The following CCDC146 variants were observed in gnomAD, a reference collection of about 807,000 sequenced individuals.
The protein encoded by CCDC146 is coiled-coil domain-containing protein 146.
In CCDC146, 92 loss-of-function variants were observed where a neutral mutation model predicts 119.3. That is an observed-to-expected ratio of 0.77 (90% CI 0.65 to 0.92). The LOEUF (loss-of-function observed/expected upper bound fraction) is 0.92, where lower values mean the gene tolerates loss of function less well. Among genes scored for constraint, CCDC146 ranks in the 40% least tolerant of loss-of-function variants. The pLI is 0.00. For synonymous variants in CCDC146, 372 were observed against 371.8 expected, an observed-to-expected ratio of 1.00 and a Z score of -0.01; for missense variants, 1,000 against 1,103.0, an observed-to-expected ratio of 0.91 and a Z score of 1.32.
At chr7:77,231,898 C>A (rs1356534007) in intron 2 of CCDC146, among the ~76,000 whole-genome samples, 3 of 151,042 alleles carry the variant, frequency 2.0e-5, no homozygotes, top group Non-Finnish European at 2.9e-5. Context: ...TGTTTCCTTG[C>A]AAGTCTCATA....
At chr7:77,293,258 GCAAC>G (rs768825715) in intron 18 of CCDC146, 58 bp downstream of exon 18, 5 of 1,579,380 alleles carry the variant, frequency 3.2e-6, no homozygotes, top group African/African-American at 2.7e-5. Flanking sequence ...TTGCATTCAG[GCAAC>G]CCACAGTTAT....
At chr7:77,172,553 G>A (rs539277043) in intron 2 of CCDC146, among the ~76,000 whole-genome samples, 101 of 152,260 alleles carry the variant, frequency 6.6e-4, no homozygotes, top group African/African-American at 2.4e-3. Context: ...TCATGCTCTC[G>A]TCTCATATTG....
At chr7:77,135,463 G>GAGAA (rs1304565773) in intron 1 of CCDC146, among the ~76,000 whole-genome samples, 11 of 151,928 alleles carry the variant, frequency 7.2e-5, no homozygotes, top group Admixed American at 3.9e-4. Context: ...AAAAAAGAGA[G>GAGAA]AGAAAGAAAG....
chr7:77,164,537 T>A (rs1791313160), intron 1 of CCDC146, among the ~76,000 whole-genome samples: 1 of 152,206 alleles, frequency 6.6e-6, no homozygotes, highest in African/African-American at 2.4e-5. Context: ...CTGATGGAAG[T>A]ATATGTTACC....
In CCDC146 at chr7:77,196,453, A is replaced by G; in HGVS notation, c.156+28629A>G. 16 of 1,614,194 alleles carry G rather than the reference A, an allele frequency of 9.9e-6. No individual in the cohort carries two copies. The highest frequency in any genetic ancestry group is 1.3e-5 in the Non-Finnish European group (15 of 1,180,030). On this transcript the variant is annotated intron_variant, in intron 2 of 18. Coordinates refer to ENST00000285871, the MANE Select transcript of CCDC146 (RefSeq NM_020879.3). This position sits in a 1 kb window ranked among gnomAD's most constrained non-coding sequence, Gnocchi z 4.2. ...CATTTAAGTTTGCAGAAAGACATGC[A>G]TCAAACCACCAGCCTGAACTGTAGT...
chr7:77,210,830 G>C (rs1317897321), intron 2 of CCDC146, among the ~76,000 whole-genome samples: 2 of 152,196 alleles, frequency 1.3e-5, no homozygotes, highest in African/African-American at 4.8e-5. Context: ...GCTGGGGCAG[G>C]AGGGAGAGAG....
At chr7:77,263,821 G>A (rs142207083) in intron 9 of CCDC146, among the ~76,000 whole-genome samples, 5,880 of 152,282 alleles carry the variant, frequency 0.039, 390 homozygotes, top group African/African-American at 0.13. Flanking sequence ...CTACTTGGGA[G>A]GCTGAGGCAG....
rs971808125 is a variant in CCDC146 at position 77,281,863 on chromosome 7, G to A, written c.1920-694G>A. ...TTTTTCTCCAGGGGAGAAAAAAAAT[G>A]CTATTCAGCTCCTGGCACAAACCAA... On this transcript the variant is annotated intron_variant, in intron 14 of 18. Coordinates refer to ENST00000285871, the MANE Select transcript of CCDC146 (RefSeq NM_020879.3). 3.9e-5 allele frequency among the ~76,000 whole-genome samples: 6 copies of A among 152,134 alleles called. No homozygotes were observed. In the East Asian group the frequency reaches 5.8e-4, roughly 15 times the overall value.
chr7:77,213,601 G>A (rs994678116), intron 2 of CCDC146, among the ~76,000 whole-genome samples: 3 of 152,122 alleles, frequency 2.0e-5, no homozygotes, highest in African/African-American at 7.2e-5. Context: ...GTACCCAGTA[G>A]GCAGTTTTTA....
intron 12 of CCDC146, 23 bp downstream of exon 12, chr7:77,278,863 T>C: frequency 6.2e-7 from 1 of 1,602,838 alleles, no homozygotes; most frequent in East Asian, 2.2e-5. Flanking sequence ...TGTGGTGTTT[T>C]ATCTACGTAG....
chr7:77,241,692 A>T lies in CCDC146; in HGVS notation c.241A>T (p.Thr81Ser). The T allele has an allele frequency of 6.2e-7, 1 of 1,613,728 alleles. No homozygotes were observed. The highest frequency in any genetic ancestry group is 1.1e-5 in the South Asian group (1 of 91,074). ...GTCTCTGTTTTTCATGTAACCCAGC[A>T]CACAAGAGTCAGAGGTCCAACTGCT... Reference protein sequence around the residue: ...YTLLHDAVMSTQESEVQLLQN... With the variant: ...YTLLHDAVMSSQESEVQLLQN... The change falls in exon 4 of 19, where the codon ACA (threonine) becomes TCA (serine). Residue 81 changes from threonine to serine, a missense_variant and splice_region_variant. By Grantham distance (58) the Thr-to-Ser change is moderately conservative. Around this residue, in one of 2 missense-constraint regions of CCDC146, gnomAD observed 985 missense variants for 1,045.3 expected, o/e 0.94. Transcript: ENST00000285871.
chr7:77,147,617 T>G (rs900808230), intron 1 of CCDC146, among the ~76,000 whole-genome samples: 8 of 152,246 alleles, frequency 5.3e-5, no homozygotes, highest in African/African-American at 1.9e-4. Flanking sequence ...TTTGTTAGTT[T>G]TCCTTCTAAC....
chr7:77,191,534 A>G (rs1791761781), intron 2 of CCDC146, among the ~76,000 whole-genome samples: 1 of 152,206 alleles, frequency 6.6e-6, no homozygotes, highest in Admixed American at 6.5e-5. Flanking sequence ...ATATATAATA[A>G]GGAATATGTA....
At chr7:77,131,292 C>T (rs1386118977) in intron 1 of CCDC146, among the ~76,000 whole-genome samples, 15 of 152,004 alleles carry the variant, frequency 9.9e-5, no homozygotes, top group Admixed American at 6.5e-5. Flanking sequence ...TATTTACAAT[C>T]GCCAAAAACC....
rs529907677 is a variant in CCDC146 at position 77,215,745 on chromosome 7, A to C, written c.157-21202A>C. Among the ~76,000 whole-genome samples the C allele has an allele frequency of 4.0e-5, 6 of 151,154 alleles. No homozygotes were observed. The East Asian group carries it at 1.2e-3, about 29-fold the overall frequency. On this transcript the variant is annotated intron_variant, in intron 2 of 18. Transcript: ENST00000285871. ...TGACTTTATCCCACAGTTTACACATAACTGTTTCAGAATAACACTACTACC... is the reference window on the plus strand; with the variant it reads ...TGACTTTATCCCACAGTTTACACATCACTGTTTCAGAATAACACTACTACC...
At chr7:77,279,857 G>A (rs1411703705) in intron 13 of CCDC146, among the ~76,000 whole-genome samples, 4 of 152,162 alleles carry the variant, frequency 2.6e-5, no homozygotes, top group South Asian at 2.1e-4. Flanking sequence ...AACAGTACAC[G>A]ATCAGGGTAT....
chr7:77,123,086 G>T (rs1790646905), intron 1 of CCDC146, among the ~76,000 whole-genome samples: 1 of 146,034 alleles, frequency 6.8e-6, no homozygotes. Flanking sequence ...GGACCGTGGT[G>T]CACAGTCTAC....
At chr7:77,212,922 G>T in intron 2 of CCDC146, among the ~76,000 whole-genome samples, 1 of 144,838 alleles carries the variant, frequency 6.9e-6, no homozygotes. Flanking sequence ...GAGCCTTAGT[G>T]CATAAATGTT....
chr7:77,272,875 A>G (rs1454555091), intron 9 of CCDC146, among the ~76,000 whole-genome samples: 1 of 152,240 alleles, frequency 6.6e-6, no homozygotes, highest in African/African-American at 2.4e-5. Flanking sequence ...TTAGGTATCA[A>G]CCAAAAAGTT....
Sources: allele counts gnomAD v4.1 joint callset (sites outside exome capture counted in the v4.1 genomes callset), GRCh38; gene constraint gnomAD v4.1.1; regional missense constraint gnomAD v4.1.1; non-coding constraint Gnocchi (gnomAD v3.1); transcripts MANE v1.5; gene names NCBI Gene and HGNC (gene_info 2026-07-23, HGNC 2026-07-21).